Variants in CELF2 observed in about 807,000 individuals in gnomAD.
The protein encoded by CELF2 is CUGBP Elav-like family member 2.
A neutral mutation model predicts 62.6 loss-of-function variants in CELF2; 8 were observed. The observed-to-expected ratio is 0.13, with a 90% CI of 0.07 to 0.23. The LOEUF is 0.23. Ranked by LOEUF, CELF2 falls within the 10% of genes least tolerant of loss-of-function variation. CELF2 has a pLI of 1.00. For synonymous variants in CELF2, 258 were observed against 250.0 expected, an observed-to-expected ratio of 1.03 and a Z score of -0.30; for missense variants, 333 against 671.0, an observed-to-expected ratio of 0.50 and a Z score of 5.56.
chr10:11,079,869 C>G (rs1254256148), intron 1 of CELF2, among the ~76,000 whole-genome samples: 1 of 151,910 alleles, frequency 6.6e-6, no homozygotes, highest in African/African-American at 2.4e-5. Flanking sequence ...ATCAGAGTTA[C>G]CACAGTAGAG....
chr10:11,288,580 C>A, intron 9 of CELF2, 28 bp downstream of exon 9: 2 of 1,611,268 alleles, frequency 1.2e-6, no homozygotes, highest in Non-Finnish European at 1.7e-6. Context: ...TCTTCCCTTG[C>A]AGGTGATGCA....
chr10:11,193,323 A>G (rs2056532310), intron 2 of CELF2, among the ~76,000 whole-genome samples: 1 of 152,226 alleles, frequency 6.6e-6, no homozygotes, highest in African/African-American at 2.4e-5. Flanking sequence ...ACCCATCAAT[A>G]GCAGTCTCAA....
At chr10:10,527,025 C>T in the CELF2 span, among the ~76,000 whole-genome samples, 1 of 152,232 alleles carries the variant, frequency 6.6e-6, no homozygotes, top group Admixed American at 6.5e-5. Context: ...TGAAAACAAT[C>T]CAGATGTGTT....
At chr10:10,994,668 G>C (rs2053766909) in intron 2 of CELF2, among the ~76,000 whole-genome samples, 1 of 152,174 alleles carries the variant, frequency 6.6e-6, no homozygotes, top group Non-Finnish European at 1.5e-5. Context: ...CCTTATGAGA[G>C]TCTAATGCCT....
At chr10:10,908,849 G>A (rs2063566338) in intron 1 of CELF2, among the ~76,000 whole-genome samples, 2 of 152,036 alleles carry the variant, frequency 1.3e-5, no homozygotes, top group African/African-American at 4.8e-5. Context: ...GTGCAGTGGC[G>A]CCATCTCGGC....
At chr10:11,317,869 C>T (rs986347072) in intron 10 of CELF2, 3 of 152,206 alleles carry the variant, frequency 2.0e-5, no homozygotes, top group African/African-American at 7.2e-5. Context: ...TGCGCACTGC[C>T]GCACCTGTCA....
intron 2 of CELF2, among the ~76,000 whole-genome samples, chr10:11,168,545 C>T (rs1260628370): frequency 1.3e-5 from 2 of 152,116 alleles, no homozygotes; most frequent in Non-Finnish European, 2.9e-5. Flanking sequence ...CAGACTTTGT[C>T]GGCAGAGTAC....
intron 2 of CELF2, among the ~76,000 whole-genome samples, chr10:10,982,498 T>C (rs2136425205): frequency 6.6e-6 from 1 of 152,264 alleles, no homozygotes; most frequent in South Asian, 2.1e-4. Context: ...TAGATGAGGT[T>C]AACCAAGCAG....
chr10:10,796,922 A>ATTTT, upstream of CELF2: 3 of 983,352 alleles, frequency 3.1e-6, no homozygotes, highest in Non-Finnish European at 3.6e-6. Flanking sequence ...TTCTCTTTTA[A>ATTTT]TTTTAGTCTA....
rs149290599 is a variant in CELF2 at position 10,931,544 on chromosome 10, A to G, written c.89+11545A>G. 3.7e-4 allele frequency among the ~76,000 whole-genome samples: 57 copies of G among 152,294 alleles called. 1 individual carries two copies. Among genetic ancestry groups the G allele is most frequent in the South Asian group, 1.9e-3 (9 of 4,816 alleles). ...ACCTGTGGAACTCAGGCTAGCATCGACATAGTGACACCTGGTGGCCCCTAA... is the reference window on the plus strand; with the variant it reads ...ACCTGTGGAACTCAGGCTAGCATCGGCATAGTGACACCTGGTGGCCCCTAA... On this transcript the variant is annotated intron_variant, in intron 2 of 13. Coordinates refer to the CELF2 transcript ENST00000636488. This position sits in a 1 kb window ranked among gnomAD's most constrained non-coding sequence, Gnocchi z 6.1.
the CELF2 span, among the ~76,000 whole-genome samples, chr10:10,699,379 T>G: frequency 6.6e-6 from 1 of 152,148 alleles, no homozygotes; most frequent in Non-Finnish European, 1.5e-5. Context: ...GTCTGGCAGG[T>G]GGTAGAGATG....
chr10:10,829,728 AT>A (rs1320533553), intron 1 of CELF2, among the ~76,000 whole-genome samples: 10 of 152,188 alleles, frequency 6.6e-5, no homozygotes, highest in African/African-American at 2.2e-4. Context: ...GCCAGCCAAC[AT>A]CCCCAGAGAT....
At chr10:11,326,155 T>C (rs1389970968) in intron 12 of CELF2, among the ~76,000 whole-genome samples, 176 bp downstream of exon 12, 1 of 152,210 alleles carries the variant, frequency 6.6e-6, no homozygotes, top group Non-Finnish European at 1.5e-5. Context: ...TCTGGGAAAT[T>C]AAAGTCAACG....
intron 1 of CELF2, among the ~76,000 whole-genome samples, chr10:11,143,751 G>A (rs978505419): frequency 1.6e-4 from 24 of 152,258 alleles, no homozygotes; most frequent in African/African-American, 5.8e-4. Flanking sequence ...CCTTTTCAGT[G>A]TTCTGCCAAG....
the CELF2 span, among the ~76,000 whole-genome samples, chr10:10,689,747 C>T: frequency 3.3e-5 from 5 of 152,128 alleles, no homozygotes; most frequent in Non-Finnish European, 7.4e-5. Flanking sequence ...AAACAAAGCC[C>T]TCTATTCAGC....
the CELF2 span, among the ~76,000 whole-genome samples, chr10:10,601,467 G>C: frequency 1.6e-4 from 25 of 152,162 alleles, no homozygotes; most frequent in Non-Finnish European, 3.1e-4. Flanking sequence ...CACAAAACAT[G>C]GTTAAGTGGA....
chr10:11,075,733 G>A lies in CELF2; in HGVS notation c.74+57570G>A, dbSNP rs2762541. ...GAAATGGGGGTGAGCAGCCATCAGC[G>A]TTCTTAGGAAGGAGGAGTGATTCCT... On this transcript the variant is annotated intron_variant, in intron 1 of 12. Coordinates refer to ENST00000633077, the MANE Select transcript of CELF2 (RefSeq NM_001326342.2). This position sits in a 1 kb window ranked among gnomAD's most constrained non-coding sequence, Gnocchi z 5.4. Among the ~76,000 whole-genome samples, 41,274 of 151,818 alleles carry A rather than the reference G, an allele frequency of 0.27. 6,199 individuals are homozygous for A. The highest frequency in any genetic ancestry group is 0.39 in the African/African-American group (15,969 of 41,350).
chr10:10,997,266 C>A lies in CELF2; in HGVS notation c.89+77267C>A, dbSNP rs534013578. On this transcript the variant is annotated intron_variant, in intron 2 of 13. Transcript: ENST00000636488. The surrounding 1 kb of genome is among the most constrained non-coding windows in gnomAD (Gnocchi z 5.3). ...AGTGATGCAAGCCTTTGTGCCACTG[C>A]ACTCTAGCCTGAGCAACAGAGCAAG... is the stretch of plus-strand genomic sequence containing the variant. Among the ~76,000 whole-genome samples, 1 of 152,204 alleles carries A rather than the reference C, an allele frequency of 6.6e-6. No individual in the cohort carries two copies. Among genetic ancestry groups the A allele is most frequent in the Admixed American group, 6.5e-5 (1 of 15,276 alleles).
At chr10:10,859,601 A>C (rs1336243834) in intron 1 of CELF2, among the ~76,000 whole-genome samples, 1 of 152,200 alleles carries the variant, frequency 6.6e-6, no homozygotes, top group Non-Finnish European at 1.5e-5. Context: ...ATCCTATTAA[A>C]TAACCACACA....
Sources: allele counts gnomAD v4.1 joint callset (sites outside exome capture counted in the v4.1 genomes callset), GRCh38; gene constraint gnomAD v4.1.1; non-coding constraint Gnocchi (gnomAD v3.1); transcripts MANE v1.5; gene names NCBI Gene and HGNC (gene_info 2026-07-23, HGNC 2026-07-21).